Variants in NRXN1 observed in about 807,000 individuals in gnomAD.
NRXN1 encodes neurexin-1.
Under a neutral mutation model 150.9 loss-of-function variants are expected in NRXN1, and 39 were observed. That is an observed-to-expected ratio of 0.26 (90% CI 0.20 to 0.34). The LOEUF is 0.34. NRXN1 is among the 10% of genes least tolerant of loss of function. The pLI, the probability that NRXN1 is intolerant of heterozygous loss-of-function variation, is 1.00. For synonymous variants in NRXN1, 924 were observed against 757.0 expected (o/e 1.22, Z -3.62); for missense variants, 1,815 against 1,949.9 (o/e 0.93, Z 1.30).
chr2:50,519,875 C>T (rs1010771211), intron 12 of NRXN1, among the ~76,000 whole-genome samples: 8 of 151,852 alleles, frequency 5.3e-5, no homozygotes, highest in African/African-American at 1.9e-4. Context: ...CTTCAACTGG[C>T]TCAGTGACCT....
chr2:49,944,980 A>T (rs1672632632), intron 21 of NRXN1: 1 of 152,230 alleles, frequency 6.6e-6, no homozygotes, highest in Admixed American at 6.5e-5. Flanking sequence ...GCATTTTGAA[A>T]AATGGAGACG....
intron 2 of NRXN1, among the ~76,000 whole-genome samples, chr2:50,971,828 T>A (rs752616422): frequency 6.6e-6 from 1 of 152,074 alleles, no homozygotes; most frequent in Non-Finnish European, 1.5e-5. Context: ...CAAACACAGA[T>A]TTACGCATTT....
At chr2:50,103,215 A>G (rs1223440306) in intron 18 of NRXN1, among the ~76,000 whole-genome samples, 1 of 152,090 alleles carries the variant, frequency 6.6e-6, no homozygotes, top group Non-Finnish European at 1.5e-5. Context: ...TCATCATTCT[A>G]CGCTCATATT....
At chr2:50,219,803 GCTTGAGC>G (rs967990204) in intron 18 of NRXN1, among the ~76,000 whole-genome samples, 1 of 148,662 alleles carries the variant, frequency 6.7e-6, no homozygotes, top group African/African-American at 2.5e-5. Flanking sequence ...CGAGAAGATT[GCTTGAGC>G]CTCGGGAGTG....
At chr2:50,067,135 G>T (rs1350709142) in intron 19 of NRXN1, among the ~76,000 whole-genome samples, 2 of 152,176 alleles carry the variant, frequency 1.3e-5, no homozygotes, top group Non-Finnish European at 2.9e-5. Context: ...ATGTGAGACT[G>T]CTGTGATGTT....
intron 17 of NRXN1, among the ~76,000 whole-genome samples, chr2:50,422,822 A>G (rs1323392974): frequency 6.6e-6 from 1 of 152,224 alleles, no homozygotes; most frequent in African/African-American, 2.4e-5. Context: ...TATACAAGGC[A>G]GTTACGTGGA....
In NRXN1 at chr2:49,985,605, C is replaced by T. The variant is rs544532501; in HGVS notation, c.4129-41814G>A. On this transcript the variant is annotated intron_variant, in intron 21 of 22. Coordinates refer to ENST00000401669, the MANE Select transcript of NRXN1 (RefSeq NM_001330078.2). ...TAGTGTGCACTGAGTTTAGTCACTT[C>T]TTTAAATGCTACATTAATTGCTTTG... Among the ~76,000 whole-genome samples, 4 of 152,312 alleles carry T rather than the reference C, an allele frequency of 2.6e-5. No individual in the cohort carries two copies. The East Asian group carries it at 7.7e-4, about 29-fold the overall frequency.
intron 5 of NRXN1, among the ~76,000 whole-genome samples, chr2:50,842,308 G>A (rs1672994263): frequency 6.6e-6 from 1 of 152,174 alleles, no homozygotes; most frequent in Non-Finnish European, 1.5e-5. Context: ...GTGAGGAGCA[G>A]AAGGAAAAAC....
intron 8 of NRXN1, among the ~76,000 whole-genome samples, chr2:50,617,457 A>G (rs970939759): frequency 7.2e-5 from 11 of 151,894 alleles, no homozygotes; most frequent in African/African-American, 2.2e-4. Context: ...AAGCCCTCCA[A>G]GTGAGGTATG....
At chr2:50,937,348 G>A (rs1009436483) in intron 2 of NRXN1, among the ~76,000 whole-genome samples, 4 of 152,100 alleles carry the variant, frequency 2.6e-5, no homozygotes, top group African/African-American at 4.8e-5. Flanking sequence ...TAATAAATAT[G>A]TGTTATAAAG....
intron 5 of NRXN1, among the ~76,000 whole-genome samples, chr2:50,792,657 C>A (rs544179123): frequency 3.3e-5 from 5 of 151,900 alleles, no homozygotes; most frequent in South Asian, 2.1e-4. Flanking sequence ...TAAAACCTTC[C>A]ATTTTACCAA....
chr2:50,054,055 A>G (rs1363750164), intron 20 of NRXN1, among the ~76,000 whole-genome samples: 1 of 152,210 alleles, frequency 6.6e-6, no homozygotes, highest in Non-Finnish European at 1.5e-5. Flanking sequence ...GTCCACATAT[A>G]TCTATATGTT....
chr2:50,122,624 C>T (rs945927266), intron 18 of NRXN1, among the ~76,000 whole-genome samples: 5 of 152,258 alleles, frequency 3.3e-5, no homozygotes, highest in African/African-American at 1.2e-4. Context: ...CAGCAGGCTG[C>T]TTGTCTCAGT....
intron 5 of NRXN1, among the ~76,000 whole-genome samples, chr2:50,907,597 C>T (rs1683899368): frequency 6.6e-6 from 1 of 151,938 alleles, no homozygotes; most frequent in Admixed American, 6.6e-5. Flanking sequence ...TTGTCACAAG[C>T]TCCTTACAAG....
intron 17 of NRXN1, among the ~76,000 whole-genome samples, chr2:50,241,820 G>T (rs2066025882): frequency 6.6e-6 from 1 of 151,668 alleles, no homozygotes; most frequent in African/African-American, 2.4e-5. Context: ...TTGCCTAAGT[G>T]TGCCCACTTC....
chr2:51,008,434 C>A (rs1667365381), intron 2 of NRXN1, among the ~76,000 whole-genome samples: 1 of 151,684 alleles, frequency 6.6e-6, no homozygotes, highest in African/African-American at 2.4e-5. Context: ...TAGATTTTTC[C>A]AGGAATTTGT....
intron 5 of NRXN1, among the ~76,000 whole-genome samples, chr2:50,712,499 A>G (rs1695307069): frequency 6.6e-6 from 1 of 152,154 alleles, no homozygotes; most frequent in South Asian, 2.1e-4. Flanking sequence ...GGTTTAATGT[A>G]GGCCAAACCA....
chr2:50,049,497 A>G (rs1242076117), intron 21 of NRXN1, among the ~76,000 whole-genome samples: 2 of 152,188 alleles, frequency 1.3e-5, no homozygotes, highest in South Asian at 2.1e-4. Flanking sequence ...CTCCTCATTC[A>G]TCATGCTCTT....
intron 18 of NRXN1, among the ~76,000 whole-genome samples, chr2:50,101,651 G>A (rs1184522622): frequency 2.0e-5 from 3 of 151,960 alleles, no homozygotes; most frequent in Non-Finnish European, 2.9e-5. Flanking sequence ...CTTAAAAGAC[G>A]TGAAAACATA....
Sources: gnomAD v4.1 joint callset for allele counts (sites outside exome capture counted in the v4.1 genomes callset) on GRCh38, gnomAD v4.1.1 for gene constraint, MANE v1.5 for transcripts, NCBI Gene and HGNC (gene_info 2026-07-23, HGNC 2026-07-21) for gene names.